TNRC6C: variants seen among roughly 807,000 people sequenced by gnomAD.
TNRC6C encodes the protein trinucleotide repeat-containing gene 6C protein.
Under a neutral mutation model 153.7 loss-of-function variants are expected in TNRC6C, and 20 were observed. That is an observed-to-expected ratio of 0.13 (90% confidence interval 0.09 to 0.19). TNRC6C has a LOEUF of 0.19. Among genes scored for constraint, TNRC6C ranks in the 10% least tolerant of loss-of-function variants. The pLI, the probability that TNRC6C is intolerant of heterozygous loss-of-function variation, is 1.00. For synonymous variants in TNRC6C, 811 were observed against 841.4 expected (o/e 0.96, Z 0.63); for missense variants, 1,987 against 2,172.0 (o/e 0.91, Z 1.69).
chr17:78,074,106 G>A (rs140433035), intron 7 of TNRC6C, among the ~76,000 whole-genome samples: 21 of 152,258 alleles, frequency 1.4e-4, no homozygotes, highest in East Asian at 1.3e-3. Context: ...TCTGTAAGGC[G>A]CTTTACTGCC....
chr17:78,001,755 A>C (rs1322141704), upstream of TNRC6C, among the ~76,000 whole-genome samples: 1 of 152,118 alleles, frequency 6.6e-6, no homozygotes, highest in Non-Finnish European at 1.5e-5. Context: ...AAAGATATGA[A>C]TCTAGGTGGT....
chr17:77,986,665 C>G (rs1567902100), intron 1 of TNRC6C, among the ~76,000 whole-genome samples: 1 of 151,848 alleles, frequency 6.6e-6, no homozygotes, highest in Non-Finnish European at 1.5e-5. Context: ...TAGCAGATAA[C>G]CAAAATTTTA....
intron 13 of TNRC6C, among the ~76,000 whole-genome samples, chr17:78,088,596 A>G (rs111290258): frequency 1.1e-4 from 17 of 151,428 alleles, no homozygotes; most frequent in African/African-American, 4.1e-4. Flanking sequence ...ATGAGCTAAT[A>G]TGTAAAGTTC....
At chr17:78,018,691 T>C (rs1387088567) in intron 1 of TNRC6C, among the ~76,000 whole-genome samples, 3 of 152,216 alleles carry the variant, frequency 2.0e-5, no homozygotes, top group Non-Finnish European at 4.4e-5. Flanking sequence ...CCTTTTTCTC[T>C]ACTAAGATGT....
chr17:78,081,046 C>CT (rs1197018289), intron 10 of TNRC6C, among the ~76,000 whole-genome samples: 7 of 152,130 alleles, frequency 4.6e-5, no homozygotes, highest in Non-Finnish European at 1.0e-4. Flanking sequence ...GTTCTGGAGG[C>CT]TGAGAAGTCC....
At position 78,090,921 on chromosome 17, in the gene TNRC6C, T is replaced by C. The variant is rs1413265448; in HGVS notation, c.3803-519T>C. On this transcript the variant is annotated intron_variant, in intron 13 of 19. Coordinates refer to ENST00000301624, the Ensembl canonical transcript of TNRC6C. ...GTGGTACTTTAGAGTTCTGGAAAAG[T>C]GTTTTTGACCTGATGAGTTTCCGTA... 2.0e-5 allele frequency among the ~76,000 whole-genome samples: 3 copies of C among 152,230 alleles called. 1 individual carries two copies. In the South Asian group the frequency reaches 6.2e-4, roughly 31 times the overall value.
At chr17:78,101,262 AAAC>A (rs1322289164) in intron 17 of TNRC6C, among the ~76,000 whole-genome samples, 2 of 152,182 alleles carry the variant, frequency 1.3e-5, no homozygotes, top group African/African-American at 4.8e-5. Context: ...CTCTTTGCTA[AAAC>A]AACAAGAGCC....
chr17:77,975,133 T>G (rs529393052), intron 1 of TNRC6C, among the ~76,000 whole-genome samples: 1 of 152,294 alleles, frequency 6.6e-6, no homozygotes, highest in South Asian at 2.1e-4. Context: ...AATTCTTCCA[T>G]GCATCTTTTG....
upstream of TNRC6C, among the ~76,000 whole-genome samples, chr17:78,001,451 G>A (rs143069830): frequency 8.7e-3 from 1,323 of 152,098 alleles, 13 homozygotes; most frequent in South Asian, 0.038. Flanking sequence ...TTGCAGTGGC[G>A]GTATACTGGA....
Position 78,075,275 on chromosome 17 carries a change from C to T in TNRC6C, c.3057C>T (p.Asp1019=), listed in dbSNP as rs1168937008. 1 of 1,587,198 alleles carries T rather than the reference C, an allele frequency of 6.3e-7. No homozygotes were observed. Among genetic ancestry groups the T allele is most frequent in the Non-Finnish European group, 8.6e-7 (1 of 1,166,370 alleles). ...CCGTGGACCGCCCCACCTTTCTTGA[C>T]AAGGTATGAATATAGGTGGTTTGTT... The change falls in exon 8 of 20, where the codon GAC becomes GAT. Residue 1019 remains aspartate, a synonymous_variant. Coordinates refer to ENST00000301624, the Ensembl canonical transcript of TNRC6C. The surrounding 1 kb of genome is among the most constrained non-coding windows in gnomAD (Gnocchi z 4.2).
chr17:78,084,204 A>G (rs1350470709), intron 11 of TNRC6C, among the ~76,000 whole-genome samples: 2 of 151,904 alleles, frequency 1.3e-5, no homozygotes, highest in Non-Finnish European at 2.9e-5. Flanking sequence ...GAATCGCTTG[A>G]ACCTGGAAGG....
chr17:78,055,868 T>TA (rs375757134), intron 3 of TNRC6C, among the ~76,000 whole-genome samples: 7 of 152,298 alleles, frequency 4.6e-5, no homozygotes, highest in African/African-American at 1.7e-4. Flanking sequence ...CAAGGGTACA[T>TA]ATGTGGGAGG....
chr17:78,065,086 C>T, intron 4 of TNRC6C, 149 bp downstream of exon 6: 1 of 942,752 alleles, frequency 1.1e-6, no homozygotes. Context: ...CAGTGCCTCA[C>T]ACCTATAATC....
intron 11 of TNRC6C, among the ~76,000 whole-genome samples, 175 bp from the exon 14 acceptor site, chr17:78,086,328 T>TAAAAAAAAAAAAAAAAAAAAAAAAAA (rs58348772): frequency 1.9e-5 from 1 of 53,324 alleles, no homozygotes; most frequent in Non-Finnish European, 4.3e-5. Context: ...AGACTCCATC[T>TAAAAAAAAAAAAAAAAAAAAAAAAAA]AAAAAAAAAA....
intron 1 of TNRC6C, among the ~76,000 whole-genome samples, chr17:77,978,144 G>A (rs891750561): frequency 9.2e-5 from 14 of 151,978 alleles, no homozygotes; most frequent in East Asian, 1.9e-4. Flanking sequence ...TGATCCACCC[G>A]CCTCAGCCTC....
intron 13 of TNRC6C, 92 bp downstream of exon 15, chr17:78,087,185 G>C: frequency 6.5e-7 from 1 of 1,536,964 alleles, no homozygotes; most frequent in South Asian, 1.2e-5. Context: ...CAGTGGTTAG[G>C]AGGACTGGCC....
chr17:78,027,928 G>C (rs1567922521), intron 1 of TNRC6C, among the ~76,000 whole-genome samples: 1 of 148,542 alleles, frequency 6.7e-6, no homozygotes, highest in Non-Finnish European at 1.5e-5. Flanking sequence ...TTTTGAGATG[G>C]AGTCTCGCCC....
intron 1 of TNRC6C, among the ~76,000 whole-genome samples, chr17:77,987,970 G>A (rs1355805743): frequency 6.6e-6 from 1 of 151,570 alleles, no homozygotes; most frequent in Admixed American, 6.6e-5. Flanking sequence ...GTGAGCCACC[G>A]TGCCCGGCCT....
chr17:78,067,153 G>A (rs1485442485), intron 4 of TNRC6C: 1 of 151,956 alleles, frequency 6.6e-6, no homozygotes, highest in Non-Finnish European at 1.5e-5. Flanking sequence ...GACCAGCCTG[G>A]GCAACATAGT....
Sources: gnomAD v4.1 joint callset for allele counts (sites outside exome capture counted in the v4.1 genomes callset) on GRCh38, gnomAD v4.1.1 for gene constraint, Gnocchi (gnomAD v3.1) non-coding constraint, MANE v1.5 for transcripts, NCBI Gene and HGNC (gene_info 2026-07-23, HGNC 2026-07-21) for gene names.